Variants in MRPS31 observed in about 807,000 individuals in gnomAD.
MRPS31 encodes small ribosomal subunit protein mS31.
Under a neutral mutation model 43.1 loss-of-function variants are expected in MRPS31, and 32 were observed. The ratio of observed to expected loss-of-function variants is 0.74; its 90% CI spans 0.56 to 1.00. The LOEUF is 1.00. Among genes scored for constraint, MRPS31 ranks in the 50% least tolerant of loss-of-function variants. The pLI, the probability that MRPS31 is intolerant of heterozygous loss-of-function variation, is 0.00. For synonymous variants in MRPS31, 165 were observed against 161.6 expected (o/e 1.02, Z -0.16); for missense variants, 437 against 466.7 (o/e 0.94, Z 0.59).
At chr13:40,761,230 G>C (rs1880686476) in intron 2 of MRPS31, among the ~76,000 whole-genome samples, 1 of 150,856 alleles carries the variant, frequency 6.6e-6, no homozygotes, top group African/African-American at 2.4e-5. Context: ...TTTTTCCACT[G>C]CACTACAGCC....
At chr13:40,746,015 CA>C (rs898354053) in intron 6 of MRPS31, among the ~76,000 whole-genome samples, 1 of 152,164 alleles carries the variant, frequency 6.6e-6, no homozygotes, top group Non-Finnish European at 1.5e-5. Context: ...AAGCTATTCT[CA>C]ATTGGAAAAA....
chr13:40,758,697 A>G (rs778614733), intron 3 of MRPS31, among the ~76,000 whole-genome samples: 3 of 152,204 alleles, frequency 2.0e-5, no homozygotes, highest in Non-Finnish European at 4.4e-5. Context: ...TATTGAATTT[A>G]CCATTTATTT....
rs562485522 is a variant in MRPS31, at chr13:40,751,268, G to A, written c.815-1987C>T. ...ACTTGGTGGTCACTGACCCACCTAT[G>A]TCTTTTCCATCATCATTAGGATCAT... On this transcript the variant is annotated intron_variant, in intron 5 of 6. Coordinates refer to ENST00000323563, the MANE Select transcript of MRPS31 (RefSeq NM_005830.4). Among the ~76,000 whole-genome samples the A allele has an allele frequency of 3.2e-4, 49 of 152,282 alleles. 2 individuals carry two copies. The South Asian group carries it at 9.7e-3, about 30-fold the overall frequency.
intron 1 of MRPS31, among the ~76,000 whole-genome samples, chr13:40,769,371 TC>T (rs1880937273): frequency 1.4e-5 from 1 of 71,308 alleles, no homozygotes; most frequent in Admixed American, 1.8e-4. Flanking sequence ...CAAGACTCTG[TC>T]CATATATATA....
At chr13:40,762,742 T>C (rs571074289) in intron 2 of MRPS31, among the ~76,000 whole-genome samples, 25 of 151,476 alleles carry the variant, frequency 1.7e-4, no homozygotes, top group Middle Eastern at 3.4e-3. Flanking sequence ...CCATCACTCT[T>C]ATTTTTCTTC....
intron 6 of MRPS31, among the ~76,000 whole-genome samples, chr13:40,732,413 T>C (rs964160496): frequency 6.6e-6 from 1 of 152,266 alleles, no homozygotes; most frequent in African/African-American, 2.4e-5. Flanking sequence ...AAATCCATTC[T>C]GGCTTTTTAT....
chr13:40,757,496 G>T (rs1456845038), intron 3 of MRPS31, among the ~76,000 whole-genome samples: 2 of 137,196 alleles, frequency 1.5e-5, no homozygotes, highest in African/African-American at 2.8e-5. Flanking sequence ...CCAGGTTGGA[G>T]TGCAGTGGCG....
intron 3 of MRPS31, among the ~76,000 whole-genome samples, chr13:40,758,067 G>A (rs922060799): frequency 8.6e-5 from 13 of 151,448 alleles, no homozygotes; most frequent in African/African-American, 1.9e-4. Context: ...GGCGTGAACC[G>A]GGGAGGCGGA....
At chr13:40,759,629 A>G (rs1263745675) in intron 2 of MRPS31, among the ~76,000 whole-genome samples, 1 of 152,210 alleles carries the variant, frequency 6.6e-6, no homozygotes, top group Non-Finnish European at 1.5e-5. Context: ...AAACTTTGAA[A>G]TGTTAAATGT....
chr13:40,770,947 A>G lies in MRPS31; in HGVS notation c.152+38T>C, dbSNP rs1398028908. On this transcript the variant is annotated intron_variant, in intron 1 of 6. Coordinates refer to ENST00000323563, the MANE Select transcript of MRPS31 (RefSeq NM_005830.4). ...AACATCGACCCCAGGAAGTCGGAGG[A>G]TGTACAGGACGGGGCACGGGGTTGC... 4 of 1,613,642 alleles carry G rather than the reference A, an allele frequency of 2.5e-6. No homozygotes were observed. In the South Asian group the frequency reaches 4.4e-5, roughly 18 times the overall value.
chr13:40,756,060 A>G (rs1466870380), intron 4 of MRPS31, among the ~76,000 whole-genome samples: 1 of 152,142 alleles, frequency 6.6e-6, no homozygotes, highest in African/African-American at 2.4e-5. Context: ...ACCTTTTCCA[A>G]CTTTCCTGTA....
intron 6 of MRPS31, among the ~76,000 whole-genome samples, chr13:40,736,849 A>G (rs199958520): frequency 1.4e-3 from 216 of 150,070 alleles, no homozygotes; most frequent in East Asian, 5.1e-3. Context: ...AAAGACCATC[A>G]AGACTAGGAA....
intron 5 of MRPS31, chr13:40,749,732 C>A (rs990669243): frequency 6.6e-6 from 1 of 152,328 alleles, no homozygotes; most frequent in Non-Finnish European, 1.5e-5. Flanking sequence ...CTGAGTACTT[C>A]CTCTGCGCTT....
intron 2 of MRPS31, among the ~76,000 whole-genome samples, chr13:40,762,206 T>C (rs888385181): frequency 3.9e-5 from 6 of 152,064 alleles, no homozygotes; most frequent in Non-Finnish European, 8.8e-5. Flanking sequence ...CACTCAAGCC[T>C]GGGGAATAGA....
chr13:40,735,049 A>T (rs1223045107), intron 6 of MRPS31, among the ~76,000 whole-genome samples: 4 of 152,216 alleles, frequency 2.6e-5, no homozygotes, highest in Non-Finnish European at 4.4e-5. Context: ...GGAGTGCCAG[A>T]CAGTGGGCGC....
chr13:40,745,213 C>A (rs561702440), intron 6 of MRPS31, among the ~76,000 whole-genome samples: 1 of 152,100 alleles, frequency 6.6e-6, no homozygotes, highest in Non-Finnish European at 1.5e-5. Context: ...TGAGCCACTG[C>A]GCCCGGCCAT....
chr13:40,747,260 A>T (rs1374638918), intron 6 of MRPS31, among the ~76,000 whole-genome samples: 2 of 152,020 alleles, frequency 1.3e-5, no homozygotes, highest in African/African-American at 4.8e-5. Flanking sequence ...TGGGTTTTTA[A>T]ATCAGGTTTT....
chr13:40,769,319 T>A (rs2138021384), intron 1 of MRPS31, among the ~76,000 whole-genome samples: 1 of 136,628 alleles, frequency 7.3e-6, no homozygotes, highest in South Asian at 2.4e-4. Flanking sequence ...GAGGTTGCAG[T>A]GAGCCGAGAT....
chr13:40,766,898 T>C lies in MRPS31; in HGVS notation c.288A>G (p.Lys96=). ...CCTTAATAATGCCTAACAAGTCTTT[T>C]TTCGTATTTTCCTTTTCACTGTCTT... The part of the protein sequence containing the change: ...ESQDSEKENT[K]KDLLGIIKGM... Residue 96 remains lysine (K), a synonymous_variant, in exon 2 of 7, where the codon AAA becomes AAG. Coordinates refer to ENST00000323563, the MANE Select transcript of MRPS31 (RefSeq NM_005830.4). The C allele has an allele frequency of 1.9e-6, 3 of 1,614,174 alleles. No individual in the cohort carries two copies. Among genetic ancestry groups the C allele is most frequent in the Non-Finnish European group, 2.5e-6 (3 of 1,180,020 alleles).
Sources: allele counts gnomAD v4.1 joint callset (sites outside exome capture counted in the v4.1 genomes callset), GRCh38; gene constraint gnomAD v4.1.1; transcripts MANE v1.5; gene names NCBI Gene and HGNC (gene_info 2026-07-23, HGNC 2026-07-21).